Variants in WWC1 observed in about 807,000 individuals in gnomAD.
WWC1 encodes protein KIBRA.
A neutral mutation model predicts 138.4 loss-of-function variants in WWC1; 55 were observed. That is an observed-to-expected ratio of 0.40 (90% confidence interval 0.32 to 0.50). The LOEUF (loss-of-function observed/expected upper bound fraction) is 0.50, where lower values mean the gene tolerates loss of function less well. WWC1 is among the 20% of genes least tolerant of loss of function. The pLI, the probability that WWC1 is intolerant of heterozygous loss-of-function variation, is 0.72. For synonymous variants in WWC1, 524 were observed against 564.9 expected (o/e 0.93, Z 1.03); for missense variants, 1,226 against 1,420.4 (o/e 0.86, Z 2.20).
Position 168,409,787 on chromosome 5 carries a change from C to T in WWC1, c.868-135C>T, listed in dbSNP as rs1035955979. 7 of 851,024 alleles carry T rather than the reference C, an allele frequency of 8.2e-6. No homozygotes were observed. In the East Asian group the frequency reaches 1.5e-4, roughly 19 times the overall value. 52.7% of individuals were successfully genotyped at this position (851,024 alleles called of 1,614,324 possible). ...TTAACCAGCTTCCCTGCGATCTGCA[C>T]CGCCAGCCCAGTCACCGGGGGCTAT... On this transcript the variant is annotated intron_variant, in intron 7 of 22. Transcript: ENST00000265293.
intron 19 of WWC1, 35 bp from the exon 20 acceptor site, chr5:168,460,615 A>C: frequency 6.2e-7 from 1 of 1,608,422 alleles, no homozygotes; most frequent in Non-Finnish European, 8.5e-7. Context: ...ATGCACTCTG[A>C]CCATGTTTAA....
Position 168,406,202 on chromosome 5 carries a change from G to C in WWC1, c.595G>C (p.Asp199His). Reference protein sequence around the residue: ...ERGFQTLKKIDKKMSDAQGSY... With the variant: ...ERGFQTLKKIHKKMSDAQGSY... ...TTCCCATTAACTGTCTCCTAGAATC[G>C]ATAAGAAAATGTCTGATGCTCAGGG... The change falls in exon 6 of 23, where the codon GAT (aspartate) becomes CAT (histidine). Residue 199 changes from aspartate (D) to histidine (H), a missense_variant. By Grantham distance (81) the Asp-to-His change is moderately conservative (BLOSUM62 -1). Coordinates refer to ENST00000265293, the MANE Select transcript of WWC1 (RefSeq NM_015238.3). The C allele has an allele frequency of 6.2e-7, 1 of 1,613,658 alleles. No homozygotes were observed. The highest frequency in any genetic ancestry group is 8.5e-7 in the Non-Finnish European group (1 of 1,179,736).
intron 1 of WWC1, among the ~76,000 whole-genome samples, chr5:168,320,098 G>A (rs968778630): frequency 2.7e-5 from 4 of 150,594 alleles, no homozygotes; most frequent in South Asian, 4.2e-4. Context: ...GCACTAGCAC[G>A]ATCTCAGCTC....
At chr5:168,306,989 T>C (rs971911293) in intron 1 of WWC1, among the ~76,000 whole-genome samples, 1 of 152,152 alleles carries the variant, frequency 6.6e-6, no homozygotes, top group African/African-American at 2.4e-5. Flanking sequence ...AATCTACATC[T>C]TCGAGACTCC....
chr5:168,365,589 C>T (rs927920101), intron 1 of WWC1, among the ~76,000 whole-genome samples: 2 of 152,270 alleles, frequency 1.3e-5, no homozygotes, highest in East Asian at 3.9e-4. Context: ...CCTCACAGCC[C>T]GTAGGAAAGT....
intron 1 of WWC1, among the ~76,000 whole-genome samples, chr5:168,363,393 G>A (rs541193507): frequency 7.6e-4 from 116 of 151,740 alleles, no homozygotes; most frequent in Non-Finnish European, 1.2e-3. Context: ...GCATGGTGGC[G>A]GGCACCTGTA....
At chr5:168,377,615 G>A (rs1777301047) in intron 2 of WWC1, among the ~76,000 whole-genome samples, 1 of 152,066 alleles carries the variant, frequency 6.6e-6, no homozygotes, top group African/African-American at 2.4e-5. Context: ...TAGAAAGTGA[G>A]CAAAACAATA....
At position 168,292,586 on chromosome 5, in the gene WWC1, G is replaced by A. The variant is rs148359245; in HGVS notation, c.119+315G>A. Among the ~76,000 whole-genome samples the A allele has an allele frequency of 0.084, 12,822 of 152,036 alleles. 843 individuals are homozygous for A. The highest frequency in any genetic ancestry group is 0.13 in the South Asian group (601 of 4,798). The stretch of plus-strand genomic sequence containing the variant: ...CTCTAGCCCCGCCCGCCCCCTTTAG[G>A]AAGAGAGGTCGGGCGGGGGCGGGGG... On this transcript the variant is annotated intron_variant, in intron 1 of 22. Transcript: ENST00000265293. The surrounding 1 kb of genome is among the most constrained non-coding windows in gnomAD (Gnocchi z 4.4).
intron 5 of WWC1, among the ~76,000 whole-genome samples, chr5:168,403,096 C>CT (rs765284380): frequency 0.018 from 1,779 of 99,812 alleles, 16 homozygotes; most frequent in South Asian, 0.026. Flanking sequence ...TCTTTTCTTT[C>CT]TTTCTTTCTT....
chr5:168,441,804 C>T lies in WWC1; in HGVS notation c.2403C>T (p.Val801=), dbSNP rs3733980. 0.37 allele frequency: 603,540 copies of T among 1,613,246 alleles called. 120,582 individuals carry two copies. The highest frequency in any genetic ancestry group is 0.71 in the African/African-American group (53,446 of 74,984). ...KQSRELKPVG[V]MAPASGPAST... The stretch of plus-strand genomic sequence containing the variant: ...GCAGGGAGCTCAAGCCAGTGGGAGT[C>T]ATGGCCCCTGCCTCAGGGCCTGCCA... Residue 801 remains valine, a synonymous_variant, in exon 16 of 23, where the codon GTC becomes GTT. Transcript: ENST00000265293.
At chr5:168,312,371 G>A (rs886732172) in intron 1 of WWC1, among the ~76,000 whole-genome samples, 2 of 152,200 alleles carry the variant, frequency 1.3e-5, no homozygotes, top group East Asian at 1.9e-4. Context: ...GGCGGCACAG[G>A]GGGATTGAGT....
intron 3 of WWC1, among the ~76,000 whole-genome samples, chr5:168,387,496 G>A (rs986190049): frequency 7.2e-5 from 11 of 152,188 alleles, no homozygotes; most frequent in Non-Finnish European, 1.3e-4. Context: ...CACTTAATCT[G>A]TCTTAGTCGA....
At chr5:168,336,709 G>A (rs539483411) in intron 1 of WWC1, among the ~76,000 whole-genome samples, 17 of 152,130 alleles carry the variant, frequency 1.1e-4, no homozygotes, top group East Asian at 5.8e-4. Flanking sequence ...GAAGAAAGAC[G>A]AAATTCGTCA....
intron 1 of WWC1, among the ~76,000 whole-genome samples, chr5:168,295,785 G>A (rs749200541): frequency 4.6e-5 from 7 of 152,134 alleles, no homozygotes; most frequent in Non-Finnish European, 1.0e-4. Flanking sequence ...CAGGGGGTTG[G>A]AAGAGCAGCC....
rs571050660 is a variant in WWC1, at chr5:168,300,019, C to T, written c.119+7748C>T. Among the ~76,000 whole-genome samples, 11 of 152,266 alleles carry T rather than the reference C, an allele frequency of 7.2e-5. No individual in the cohort carries two copies. In the South Asian group the frequency reaches 1.5e-3, roughly 20 times the overall value. On this transcript the variant is annotated intron_variant, in intron 1 of 22. Transcript: ENST00000265293. Reference sequence around the variant, plus strand: ...GGTGACATCCCTATCACCAGCTCCTCGCTATTTGCTAAGGGAAGCACCTCC... The same window carrying T: ...GGTGACATCCCTATCACCAGCTCCTTGCTATTTGCTAAGGGAAGCACCTCC...
chr5:168,435,781 C>T (rs1782301670), intron 15 of WWC1, among the ~76,000 whole-genome samples: 1 of 152,078 alleles, frequency 6.6e-6, no homozygotes, highest in Non-Finnish European at 1.5e-5. Context: ...TATAGAAAAA[C>T]TTGAAAGAGG....
chr5:168,434,666 T>C (rs932294935), intron 15 of WWC1, among the ~76,000 whole-genome samples: 13 of 152,198 alleles, frequency 8.5e-5, no homozygotes, highest in Admixed American at 6.5e-4. Context: ...ATGCTACTTC[T>C]CAGGGGGTTA....
intron 5 of WWC1, among the ~76,000 whole-genome samples, chr5:168,404,183 A>G (rs752884527): frequency 3.9e-5 from 6 of 152,124 alleles, no homozygotes; most frequent in Non-Finnish European, 8.8e-5. Context: ...AGCTGGGCAC[A>G]GCCCCCTCCC....
At chr5:168,423,136 C>T (rs1262754849) in intron 10 of WWC1, among the ~76,000 whole-genome samples, 3 of 120,978 alleles carry the variant, frequency 2.5e-5, no homozygotes, top group Admixed American at 9.4e-5. Context: ...CAGAGCAAGA[C>T]TCCATCCCCC....
Sources: allele counts gnomAD v4.1 joint callset (sites outside exome capture counted in the v4.1 genomes callset), GRCh38; gene constraint gnomAD v4.1.1; non-coding constraint Gnocchi (gnomAD v3.1); transcripts MANE v1.5; gene names NCBI Gene and HGNC (gene_info 2026-07-23, HGNC 2026-07-21).